The following ZNF564 variants were observed in gnomAD, a reference collection of about 807,000 sequenced individuals.
ZNF564 encodes the protein zinc finger protein 564.
ZNF564 carries 5 observed loss-of-function variants against 10.5 expected under a neutral mutation model. That is an observed-to-expected ratio of 0.48 (90% confidence interval 0.25 to 1.00). ZNF564 has a LOEUF of 1.00. ZNF564 is among the 50% of genes least tolerant of loss of function. The probability of loss-of-function intolerance (pLI) is 0.16; values close to 1 mark genes in which losing one functional copy is unlikely to be tolerated. For synonymous variants in ZNF564, 242 were observed against 218.1 expected, an observed-to-expected ratio of 1.11 and a Z score of -0.97; for missense variants, 603 against 669.7, an observed-to-expected ratio of 0.90 and a Z score of 1.10.
chr19:12,537,295 T>C (rs2021934547), intron 1 of ZNF564, among the ~76,000 whole-genome samples: 1 of 152,224 alleles, frequency 6.6e-6, no homozygotes, highest in Non-Finnish European at 1.5e-5. Flanking sequence ...TGATTAGGTC[T>C]ATGATGGTTA....
intron 1 of ZNF564, among the ~76,000 whole-genome samples, chr19:12,535,973 A>G (rs1262278491): frequency 2.0e-5 from 3 of 150,354 alleles, no homozygotes; most frequent in African/African-American, 7.3e-5. Flanking sequence ...AGACTGTGCG[A>G]CTGCATTCCA....
At chr19:12,548,083 C>G (rs2022186577) in intron 1 of ZNF564, 5 of 855,876 alleles carry the variant, frequency 5.8e-6, no homozygotes, top group Non-Finnish European at 7.0e-6. Context: ...GCTGGGATTA[C>G]AGGCATGAGC....
At chr19:12,545,235 C>T (rs1290902035) in intron 1 of ZNF564, among the ~76,000 whole-genome samples, 2 of 141,882 alleles carry the variant, frequency 1.4e-5, no homozygotes, top group Non-Finnish European at 1.5e-5. Context: ...GCACTCCAGC[C>T]TGGGCAACAA....
chr19:12,539,341 C>G (rs567743948), intron 1 of ZNF564, among the ~76,000 whole-genome samples: 2 of 151,254 alleles, frequency 1.3e-5, no homozygotes, highest in African/African-American at 4.9e-5. Flanking sequence ...AATAAACTAA[C>G]CTTTCATGGA....
At chr19:12,531,880 C>T (rs555555667) in intron 1 of ZNF564, among the ~76,000 whole-genome samples, 3 of 152,256 alleles carry the variant, frequency 2.0e-5, no homozygotes, top group Non-Finnish European at 2.9e-5. Context: ...AAGACAGATG[C>T]TGTTATAGTG....
chr19:12,525,709 A>T lies in ZNF564; in HGVS notation c.*737T>A, dbSNP rs1372665063. ...TGGGTTGCTAAAACAAAATACCATA[A>T]ATTGGAAAGCTTAATTAATCAACAA... On this transcript the variant is annotated 3_prime_UTR_variant, in exon 4 of 4. Coordinates refer to ENST00000339282, the MANE Select transcript of ZNF564 (RefSeq NM_144976.4). The T allele has an allele frequency of 3.9e-5, 6 of 152,214 alleles. No homozygotes were observed. The highest frequency in any genetic ancestry group is 1.4e-4 in the African/African-American group (6 of 41,456). 9.4% of individuals were successfully genotyped at this position (152,214 alleles called of 1,614,324 possible).
intron 1 of ZNF564, among the ~76,000 whole-genome samples, chr19:12,545,262 CA>C (rs534783270): frequency 0.039 from 2,229 of 57,428 alleles, 49 homozygotes; most frequent in African/African-American, 0.1. Context: ...AATTCCGTCT[CA>C]AAAAAAAAAA....
intron 1 of ZNF564, among the ~76,000 whole-genome samples, chr19:12,535,723 T>A (rs1301902290): frequency 6.6e-6 from 1 of 151,980 alleles, no homozygotes; most frequent in Admixed American, 6.6e-5. Context: ...ATATAAAAAA[T>A]AGGGCAAACT....
Position 12,526,205 on chromosome 19 carries a change from C to T in ZNF564, c.*241G>A, listed in dbSNP as rs2021676959. The T allele has an allele frequency of 2.4e-6, 1 of 408,792 alleles. No individual in the cohort carries two copies. Among genetic ancestry groups the T allele is most frequent in the African/African-American group, 2.0e-5 (1 of 49,250 alleles). The allele number at this position is 408,792 out of a possible 1,614,324, so 25.3% of individuals were successfully genotyped here. ...AAAGTGTCATCTCAATATCACATCACTCAGATATGGATGAGACTCAATTCA... is the reference window on the plus strand; with the variant it reads ...AAAGTGTCATCTCAATATCACATCATTCAGATATGGATGAGACTCAATTCA... On this transcript the variant is annotated 3_prime_UTR_variant, in exon 4 of 4. Coordinates refer to ENST00000339282, the MANE Select transcript of ZNF564 (RefSeq NM_144976.4).
chr19:12,526,589 A>C lies in ZNF564; in HGVS notation c.1519T>G (p.Cys507Gly). 6.2e-7 allele frequency: 1 copy of C among 1,614,122 alleles called. No individual in the cohort carries two copies. The highest frequency in any genetic ancestry group is 8.5e-7 in the Non-Finnish European group (1 of 1,180,034). The change falls in exon 4 of 4, where the codon TGT becomes GGT. Residue 507 changes from cysteine (C) to glycine (G), a missense_variant. Physicochemically the swap from Cys to Gly is radical, Grantham distance 159 (BLOSUM62 -3). Transcript: ENST00000339282. ...RTHTGEKPYE[C>G]KQCGKTFSYS... ...CTGAACGTTTTTCCACATTGCTTAC[A>C]TTCATAGGGTTTTTCTCCGGTATGA...
chr19:12,527,006 T>C lies in ZNF564; in HGVS notation c.1102A>G (p.Lys368Glu), dbSNP rs1388213554. Reference protein sequence around the residue: ...THTGEKPYECKECGKAFISLP... With the variant: ...THTGEKPYECEECGKAFISLP... The stretch of plus-strand genomic sequence containing the variant: ...GAAATGAAGGCTTTCCCGCATTCCT[T>C]ACATTCATAGGGCTTCTCTCCAGTG... The change falls in exon 4 of 4, where the codon AAG becomes GAG. Residue 368 changes from lysine to glutamate, a missense_variant. Physicochemically the swap from Lys to Glu is moderately conservative, Grantham distance 56 (BLOSUM62 1). Transcript: ENST00000339282. The C allele has an allele frequency of 9.9e-6, 16 of 1,613,460 alleles. No homozygotes were observed. Among genetic ancestry groups the C allele is most frequent in the Non-Finnish European group, 1.3e-5 (15 of 1,179,844 alleles).
intron 1 of ZNF564, among the ~76,000 whole-genome samples, chr19:12,532,534 CAAAAAAAAAA>C (rs35579003): frequency 5.1e-5 from 2 of 39,240 alleles, no homozygotes; most frequent in Non-Finnish European, 8.8e-5. Flanking sequence ...GACTCCGTCT[CAAAAAAAAAA>C]AAAAAAAAAA....
chr19:12,551,343 CCAGGGTGT>C lies in ZNF564; in HGVS notation c.-19_-12del. 6.2e-7 allele frequency: 1 copy of C among 1,605,456 alleles called. No homozygotes were observed. The highest frequency in any genetic ancestry group is 8.5e-7 in the Non-Finnish European group (1 of 1,176,256). On this transcript the variant is annotated 5_prime_UTR_variant, in exon 1 of 4. Transcript: ENST00000339282. ...CCGCACACGCACCATTTCCTGGCTTCCAGGGTGTCCCGGGGTCCTGCCTACGGCTCTCT... is the reference window on the plus strand; with the variant it reads ...CCGCACACGCACCATTTCCTGGCTTCCCCGGGGTCCTGCCTACGGCTCTCT...
Position 12,526,739 on chromosome 19 carries a change from C to T in ZNF564, c.1369G>A (p.Ala457Thr). ...GPYKCQVCGK[A>T]FDCPSSVRTH... The stretch of plus-strand genomic sequence containing the variant: ...CGGACAGAACTAGGACAGTCAAAGG[C>T]TTTACCACATACCTGACATTTATAA... The change falls in exon 4 of 4, where the codon GCC (alanine) becomes ACC (threonine). Residue 457 changes from alanine (A) to threonine (T), a missense_variant. Coordinates refer to ENST00000339282, the MANE Select transcript of ZNF564 (RefSeq NM_144976.4). 4 of 1,614,164 alleles carry T rather than the reference C, an allele frequency of 2.5e-6. No individual in the cohort carries two copies. The highest frequency in any genetic ancestry group is 3.4e-6 in the Non-Finnish European group (4 of 1,180,044).
chr19:12,535,056 GATAA>G (rs2021882848), intron 1 of ZNF564, among the ~76,000 whole-genome samples: 1 of 152,048 alleles, frequency 6.6e-6, no homozygotes, highest in African/African-American at 2.4e-5. Flanking sequence ...ATCAAGCCAT[GATAA>G]GACATAGAGG....
chr19:12,547,323 G>C (rs2022173369), intron 1 of ZNF564, among the ~76,000 whole-genome samples: 1 of 152,134 alleles, frequency 6.6e-6, no homozygotes, highest in African/African-American at 2.4e-5. Flanking sequence ...CCAAAGTGCT[G>C]GGATTATAGA....
At chr19:12,528,015 T>G in intron 3 of ZNF564, 99 bp from the exon 4 acceptor site, 1 of 1,328,260 alleles carries the variant, frequency 7.5e-7, no homozygotes, top group Admixed American at 2.3e-5. Context: ...AAGGGTAAGT[T>G]TTCAGGCCTG....
intron 2 of ZNF564, 71 bp from the exon 3 acceptor site, chr19:12,528,435 A>G (rs2021735855): frequency 1.3e-6 from 2 of 1,574,276 alleles, no homozygotes; most frequent in Middle Eastern, 1.7e-4. Context: ...TTCTAAGTTC[A>G]TGATAAGGTG....
chr19:12,543,333 G>GA (rs1555697720), intron 1 of ZNF564, among the ~76,000 whole-genome samples: 2 of 143,480 alleles, frequency 1.4e-5, no homozygotes, highest in Non-Finnish European at 3.0e-5. Flanking sequence ...AAGGGGAGGG[G>GA]AGGGGAAGGG....
Sources: allele counts gnomAD v4.1 joint callset (sites outside exome capture counted in the v4.1 genomes callset), GRCh38; gene constraint gnomAD v4.1.1; transcripts MANE v1.5; gene names NCBI Gene and HGNC (gene_info 2026-07-23, HGNC 2026-07-21).